WWOX: variants seen among roughly 807,000 people sequenced by gnomAD.
The protein encoded by WWOX is WW domain-containing oxidoreductase.
Under a neutral mutation model 46.2 loss-of-function variants are expected in WWOX, and 69 were observed. That is an observed-to-expected ratio of 1.49 (90% CI 1.23 to 1.82). The LOEUF is 1.82. Among genes scored for constraint, WWOX ranks in the 40% most tolerant of loss-of-function variants. The pLI is 0.00. For synonymous variants in WWOX, 359 were observed against 202.6 expected (o/e 1.77, Z -6.56); for missense variants, 919 against 542.6 (o/e 1.69, Z -6.89).
At chr16:78,100,062 G>T in intron 1 of WWOX, 177 bp downstream of exon 1, 1 of 1,403,552 alleles carries the variant, frequency 7.1e-7, no homozygotes, top group South Asian at 1.6e-5. Flanking sequence ...GGCCCCCTTG[G>T]TGGGCCTCGG....
rs1281562299 is a variant in WWOX, at chr16:78,484,328, A to G, written c.1056+51576A>G. The stretch of plus-strand genomic sequence containing the variant: ...ATTTTCATCTAAGACCCTTTTGTTC[A>G]CAGATTTTTTTTTCCAAGTATACCT... On this transcript the variant is annotated intron_variant, in intron 8 of 8. Transcript: ENST00000566780. Among the ~76,000 whole-genome samples, 5 of 152,228 alleles carry G rather than the reference A, an allele frequency of 3.3e-5. No homozygotes were observed. The East Asian group carries it at 7.7e-4, about 24-fold the overall frequency.
intron 8 of WWOX, among the ~76,000 whole-genome samples, chr16:79,088,997 A>G (rs1380223798): frequency 6.6e-6 from 1 of 152,166 alleles, no homozygotes; most frequent in African/African-American, 2.4e-5. Flanking sequence ...ATGTACCTTG[A>G]ACATAGCTGT....
At chr16:78,181,478 A>G (rs956443848) in intron 5 of WWOX, among the ~76,000 whole-genome samples, 2 of 152,214 alleles carry the variant, frequency 1.3e-5, no homozygotes, top group Non-Finnish European at 2.9e-5. Flanking sequence ...CAAAGGAGGA[A>G]TGATTGTTCC....
chr16:78,829,330 G>A (rs1348567849), intron 8 of WWOX, among the ~76,000 whole-genome samples: 1 of 152,186 alleles, frequency 6.6e-6, no homozygotes, highest in Non-Finnish European at 1.5e-5. Flanking sequence ...GTTGAAGACA[G>A]TCAGGCAAAG....
intron 8 of WWOX, among the ~76,000 whole-genome samples, chr16:78,589,951 T>C (rs982428629): frequency 1.3e-5 from 2 of 152,176 alleles, no homozygotes; most frequent in Non-Finnish European, 2.9e-5. Context: ...ATTTCATGAT[T>C]AGTGACAGGT....
At chr16:78,512,731 C>G (rs1317222904) in intron 8 of WWOX, among the ~76,000 whole-genome samples, 2 of 152,208 alleles carry the variant, frequency 1.3e-5, no homozygotes, top group Non-Finnish European at 2.9e-5. Context: ...TTCACAAGTA[C>G]TTGCACTAGT....
At chr16:78,909,105 T>G (rs1444253800) in intron 8 of WWOX, among the ~76,000 whole-genome samples, 1 of 152,214 alleles carries the variant, frequency 6.6e-6, no homozygotes, top group Non-Finnish European at 1.5e-5. Flanking sequence ...CCAAATCAAC[T>G]TTGAACAAGA....
At position 78,774,239 on chromosome 16, in the gene WWOX, C is replaced by G. The variant is rs549716462; in HGVS notation, c.1056+341487C>G. Among the ~76,000 whole-genome samples, 205 of 151,992 alleles carry G rather than the reference C, an allele frequency of 1.3e-3. 1 individual carries two copies. Among genetic ancestry groups the G allele is most frequent in the African/African-American group, 4.3e-3 (180 of 41,480 alleles). On this transcript the variant is annotated intron_variant, in intron 8 of 8. Coordinates refer to ENST00000566780, the MANE Select transcript of WWOX (RefSeq NM_016373.4). ...AACATGGTGAAACCCTGTCTCTACTCAAAATACAAAAATTAGCTGGGCGTG... is the reference window on the plus strand; with the variant it reads ...AACATGGTGAAACCCTGTCTCTACTGAAAATACAAAAATTAGCTGGGCGTG...
chr16:78,646,799 A>T lies in WWOX; in HGVS notation c.1056+214047A>T, dbSNP rs148037516. Among the ~76,000 whole-genome samples, 274 of 152,306 alleles carry T rather than the reference A, an allele frequency of 1.8e-3. 1 individual carries two copies. The highest frequency in any genetic ancestry group is 6.4e-3 in the African/African-American group (264 of 41,574). ...ACTAGAACATAAGCTCTCTGAAGTC[A>T]GGGACCATGCCTAGAATCGCCTTCC... On this transcript the variant is annotated intron_variant, in intron 8 of 8. Coordinates refer to ENST00000566780, the MANE Select transcript of WWOX (RefSeq NM_016373.4).
chr16:78,744,771 T>A (rs1279172492), intron 8 of WWOX, among the ~76,000 whole-genome samples: 1 of 152,090 alleles, frequency 6.6e-6, no homozygotes, highest in Non-Finnish European at 1.5e-5. Flanking sequence ...CCGAAAACAG[T>A]GTGGAAAATA....
Position 78,862,174 on chromosome 16 carries a change from A to G in WWOX, c.1057-349434A>G, listed in dbSNP as rs139205071. ...TGGGTGTGTCTGTCTGTATCTATAC[A>G]CACCGATGGGTGTGTCTGTCTGTAT... On this transcript the variant is annotated intron_variant, in intron 8 of 8. Coordinates refer to ENST00000566780, the MANE Select transcript of WWOX (RefSeq NM_016373.4). Among the ~76,000 whole-genome samples, 358 of 151,970 alleles carry G rather than the reference A, an allele frequency of 2.4e-3. 2 individuals carry two copies. The highest frequency in any genetic ancestry group is 8.0e-3 in the African/African-American group (330 of 41,462).
chr16:78,108,484 G>T lies in WWOX; in HGVS notation c.169G>T (p.Gly57Ter). 1 of 1,613,928 alleles carries T rather than the reference G, an allele frequency of 6.2e-7. No homozygotes were observed. The highest frequency in any genetic ancestry group is 8.5e-7 in the Non-Finnish European group (1 of 1,179,910). The part of the protein sequence containing the change: ...PKTGKRKRVA[G>*]DLPYGWEQET... ...AACTGGAAAAAGAAAACGAGTGGCA[G>T]GAGGTTTGTATGTTGTTGTCTAAGG... Residue 57 changes from glycine (G) to a stop codon, truncating the protein, a stop_gained, in exon 2 of 9, where the codon GGA (glycine) becomes TGA (stop). Transcript: ENST00000566780. LOFTEE classifies it high-confidence loss of function.
intron 8 of WWOX, among the ~76,000 whole-genome samples, chr16:78,993,576 C>G (rs1161290203): frequency 2.0e-5 from 3 of 152,142 alleles, no homozygotes; most frequent in African/African-American, 7.2e-5. Flanking sequence ...TGTACGGAGC[C>G]CGGAACAGGG....
At chr16:78,364,036 G>A (rs962760488) in intron 5 of WWOX, among the ~76,000 whole-genome samples, 13 of 152,132 alleles carry the variant, frequency 8.5e-5, no homozygotes, top group Admixed American at 8.5e-4. Flanking sequence ...TCTTGGCCCC[G>A]TGCCACATCC....
chr16:78,244,560 G>T (rs76209511), intron 5 of WWOX, among the ~76,000 whole-genome samples: 2,502 of 152,184 alleles, frequency 0.016, 59 homozygotes, highest in African/African-American at 0.053. Context: ...GTTGGCCTGC[G>T]TTGGTAAATT....
At chr16:78,398,511 A>G (rs2082339795) in intron 6 of WWOX, among the ~76,000 whole-genome samples, 1 of 152,132 alleles carries the variant, frequency 6.6e-6, no homozygotes, top group Non-Finnish European at 1.5e-5. Flanking sequence ...CCTCCCTTCT[A>G]CCTGCTCTTA....
chr16:78,870,197 A>G (rs1462550709), intron 8 of WWOX, among the ~76,000 whole-genome samples: 1 of 152,206 alleles, frequency 6.6e-6, no homozygotes, highest in Non-Finnish European at 1.5e-5. Flanking sequence ...ATGGCAGGTA[A>G]TCTGCTTCCT....
At chr16:79,132,860 CA>C (rs1338905663) in intron 8 of WWOX, among the ~76,000 whole-genome samples, 1 of 152,174 alleles carries the variant, frequency 6.6e-6, no homozygotes, top group Non-Finnish European at 1.5e-5. Flanking sequence ...AATTCTTTAT[CA>C]CATAAATATG....
chr16:78,616,219 GT>G (rs112617111), intron 8 of WWOX, among the ~76,000 whole-genome samples: 5 of 149,414 alleles, frequency 3.3e-5, no homozygotes, highest in South Asian at 2.1e-4. Context: ...CACTTTTGTG[GT>G]TTTTTTTTTA....
Sources: gnomAD v4.1 joint callset for allele counts (sites outside exome capture counted in the v4.1 genomes callset) on GRCh38, gnomAD v4.1.1 for gene constraint, MANE v1.5 for transcripts, NCBI Gene and HGNC (gene_info 2026-07-23, HGNC 2026-07-21) for gene names.